The following KCTD16 variants were observed in gnomAD, a reference collection of about 807,000 sequenced individuals.
KCTD16 encodes BTB/POZ domain-containing protein KCTD16.
In KCTD16, 13 loss-of-function variants were observed where a neutral mutation model predicts 33.2. The observed-to-expected ratio is 0.39, with a 90% CI of 0.25 to 0.62. The LOEUF is 0.62. Ranked by LOEUF, KCTD16 falls within the 20% of genes least tolerant of loss-of-function variation. KCTD16 has a pLI of 0.50. For synonymous variants in KCTD16, 197 were observed against 195.3 expected (o/e 1.01, Z -0.07); for missense variants, 441 against 525.1 (o/e 0.84, Z 1.57).
intron 3 of KCTD16, among the ~76,000 whole-genome samples, chr5:144,426,342 T>C (rs147997666): frequency 6.6e-6 from 1 of 152,248 alleles, no homozygotes; most frequent in African/African-American, 2.4e-5. Context: ...AGCATTCTGA[T>C]CACGACTACT....
intron 3 of KCTD16, among the ~76,000 whole-genome samples, chr5:144,340,291 A>G (rs1342383659): frequency 1.3e-5 from 2 of 150,782 alleles, no homozygotes; most frequent in East Asian, 2.0e-4. Flanking sequence ...AGTCCCAGCT[A>G]TTCGAGAGGC....
chr5:144,184,819 G>T (rs953069163), intron 2 of KCTD16, among the ~76,000 whole-genome samples: 5 of 152,048 alleles, frequency 3.3e-5, no homozygotes, highest in Non-Finnish European at 1.5e-5. Flanking sequence ...TAAATTCTTT[G>T]GAGTAATGTC....
chr5:144,346,745 T>C (rs1752810383), intron 3 of KCTD16, among the ~76,000 whole-genome samples: 1 of 152,240 alleles, frequency 6.6e-6, no homozygotes, highest in South Asian at 2.1e-4. Context: ...CCTTATACAT[T>C]CTGGCTCTTA....
chr5:144,204,415 G>T (rs568448318), intron 2 of KCTD16, among the ~76,000 whole-genome samples: 1 of 152,308 alleles, frequency 6.6e-6, no homozygotes, highest in Non-Finnish European at 1.5e-5. Flanking sequence ...TGACTGTCAG[G>T]CTCAACTGGA....
chr5:144,442,815 A>C (rs1478439699), intron 3 of KCTD16, among the ~76,000 whole-genome samples: 1 of 152,054 alleles, frequency 6.6e-6, no homozygotes, highest in Non-Finnish European at 1.5e-5. Flanking sequence ...AAGGTGGTTA[A>C]GCATGGAGAC....
chr5:144,323,614 G>A (rs569051932), intron 3 of KCTD16, among the ~76,000 whole-genome samples: 1 of 152,256 alleles, frequency 6.6e-6, no homozygotes, highest in African/African-American at 2.4e-5. Context: ...CCTTGACTGG[G>A]GAAAGTCCAT....
chr5:144,208,406 C>T (rs1753258101), intron 3 of KCTD16, among the ~76,000 whole-genome samples: 1 of 152,174 alleles, frequency 6.6e-6, no homozygotes, highest in Admixed American at 6.5e-5. Flanking sequence ...TATGATATGG[C>T]ATTATTCTAA....
At chr5:144,196,537 C>G (rs1262359911) in intron 2 of KCTD16, among the ~76,000 whole-genome samples, 1 of 152,084 alleles carries the variant, frequency 6.6e-6, no homozygotes, top group Non-Finnish European at 1.5e-5. Flanking sequence ...GGAGTAATTG[C>G]AGCTTCTATG....
intron 3 of KCTD16, among the ~76,000 whole-genome samples, chr5:144,244,243 G>C (rs191994539): frequency 6.6e-6 from 1 of 152,180 alleles, no homozygotes; most frequent in Non-Finnish European, 1.5e-5. Context: ...AAAAAGAGAT[G>C]GTTTGGTCAA....
chr5:144,232,929 G>A (rs186224261), intron 3 of KCTD16, among the ~76,000 whole-genome samples: 26 of 152,208 alleles, frequency 1.7e-4, no homozygotes, highest in African/African-American at 5.5e-4. Context: ...CAGCACATGT[G>A]GCTAATGGCT....
At chr5:144,371,518 A>G (rs1338866111) in intron 3 of KCTD16, among the ~76,000 whole-genome samples, 1 of 152,140 alleles carries the variant, frequency 6.6e-6, no homozygotes, top group Non-Finnish European at 1.5e-5. Flanking sequence ...TGTTTCTCAC[A>G]CATTCCCACC....
At position 144,427,622 on chromosome 5, in the gene KCTD16, C is replaced by A. The variant is rs139848523; in HGVS notation, c.833-46038C>A. ...CAAATTTGTCTGCATCTTCAAGTCA[C>A]CTATGGCATTTTAAGTAACACAGAT... On this transcript the variant is annotated intron_variant, in intron 3 of 3. Coordinates refer to ENST00000512467, the MANE Select transcript of KCTD16 (RefSeq NM_020768.4). 1.8e-3 allele frequency among the ~76,000 whole-genome samples: 281 copies of A among 152,146 alleles called. 1 individual carries two copies. The highest frequency in any genetic ancestry group is 6.5e-3 in the African/African-American group (271 of 41,522).
chr5:144,433,044 A>T (rs919450122), intron 3 of KCTD16, among the ~76,000 whole-genome samples: 2 of 152,150 alleles, frequency 1.3e-5, no homozygotes, highest in Non-Finnish European at 2.9e-5. Context: ...AAAGTGGCAG[A>T]ACCACGTGTG....
intron 3 of KCTD16, among the ~76,000 whole-genome samples, chr5:144,375,075 C>T (rs1752054451): frequency 6.6e-6 from 1 of 152,162 alleles, no homozygotes; most frequent in African/African-American, 2.4e-5. Flanking sequence ...AAGGGATTGA[C>T]CACATACAGG....
chr5:144,364,118 C>T (rs1473758314), intron 3 of KCTD16, among the ~76,000 whole-genome samples: 1 of 152,034 alleles, frequency 6.6e-6, no homozygotes, highest in Non-Finnish European at 1.5e-5. Context: ...AAAATAATAT[C>T]CTAAAAACAT....
intron 1 of KCTD16, among the ~76,000 whole-genome samples, chr5:144,173,277 C>T (rs1752433853): frequency 6.6e-6 from 1 of 152,208 alleles, no homozygotes; most frequent in Non-Finnish European, 1.5e-5. Context: ...GACACATATA[C>T]ACCATGAAAT....
At chr5:144,470,831 A>C (rs1459896265) in intron 3 of KCTD16, among the ~76,000 whole-genome samples, 1 of 152,198 alleles carries the variant, frequency 6.6e-6, no homozygotes, top group African/African-American at 2.4e-5. Context: ...GCTTCATGCA[A>C]CTTTCCACAT....
intron 3 of KCTD16, among the ~76,000 whole-genome samples, chr5:144,278,760 G>A (rs1229870449): frequency 1.3e-5 from 2 of 151,960 alleles, no homozygotes; most frequent in East Asian, 3.9e-4. Flanking sequence ...GCCTCCCTAA[G>A]TGCTGGGATT....
chr5:144,442,008 A>G (rs972492704), intron 3 of KCTD16, among the ~76,000 whole-genome samples: 3 of 152,120 alleles, frequency 2.0e-5, no homozygotes, highest in Non-Finnish European at 2.9e-5. Context: ...TCTTTCAACA[A>G]TACTTCACAG....
Sources: gnomAD v4.1 joint callset for allele counts (sites outside exome capture counted in the v4.1 genomes callset) on GRCh38, gnomAD v4.1.1 for gene constraint, MANE v1.5 for transcripts, NCBI Gene and HGNC (gene_info 2026-07-23, HGNC 2026-07-21) for gene names.